CAMKMT: variants seen among roughly 807,000 people sequenced by gnomAD.
CAMKMT encodes calmodulin-lysine N-methyltransferase.
A neutral mutation model predicts 48.0 loss-of-function variants in CAMKMT; 53 were observed. The ratio of observed to expected loss-of-function variants is 1.10; its 90% CI spans 0.89 to 1.39. The LOEUF (loss-of-function observed/expected upper bound fraction) is 1.39, where lower values mean the gene tolerates loss of function less well. CAMKMT is among the 40% of genes most tolerant of loss of function. The pLI is 0.00. For missense variants in CAMKMT, 428 were observed against 402.7 expected (o/e 1.06, Z -0.54); for synonymous variants, 165 against 152.3 (o/e 1.08, Z -0.61).
Position 44,591,521 on chromosome 2 carries a change from G to A in CAMKMT, c.377-112762G>A, listed in dbSNP as rs528252450. 3.6e-3 allele frequency among the ~76,000 whole-genome samples: 541 copies of A among 151,924 alleles called. 1 individual carries two copies. The highest frequency in any genetic ancestry group is 0.011 in the African/African-American group (471 of 41,476). ...ATTTTATTCTCTTTGAAGCAATTGT[G>A]AATGGGAGTTCACTCATGATTTGGC... On this transcript the variant is annotated intron_variant, in intron 3 of 10. Coordinates refer to ENST00000378494, the MANE Select transcript of CAMKMT (RefSeq NM_024766.5).
intron 3 of CAMKMT, among the ~76,000 whole-genome samples, chr2:44,594,344 G>A (rs532193641): frequency 4.6e-5 from 7 of 152,010 alleles, no homozygotes; most frequent in East Asian, 1.9e-4. Context: ...AAAAGAGCCC[G>A]TATAGCCAAG....
At chr2:44,416,907 G>GGT (rs1683596349) in intron 3 of CAMKMT, among the ~76,000 whole-genome samples, 2 of 151,490 alleles carry the variant, frequency 1.3e-5, no homozygotes, top group African/African-American at 4.9e-5. Flanking sequence ...TCCATATTGT[G>GGT]GTGTGTATCT....
At chr2:44,529,526 A>T (rs2104822906) in intron 3 of CAMKMT, among the ~76,000 whole-genome samples, 1 of 152,290 alleles carries the variant, frequency 6.6e-6, no homozygotes, top group African/African-American at 2.4e-5. Flanking sequence ...CTAAGGAATG[A>T]ATACATGTTC....
At chr2:44,759,528 T>G (rs1230931942) in intron 9 of CAMKMT, among the ~76,000 whole-genome samples, 1 of 152,194 alleles carries the variant, frequency 6.6e-6, no homozygotes, top group Non-Finnish European at 1.5e-5. Context: ...GGAAATTGCC[T>G]TGTGTATGTG....
chr2:44,612,438 A>T (rs946248984), intron 3 of CAMKMT, among the ~76,000 whole-genome samples: 30 of 152,318 alleles, frequency 2.0e-4, no homozygotes, highest in African/African-American at 7.2e-4. Flanking sequence ...CAGCACTTTG[A>T]AAAGGCAAAA....
chr2:44,735,390 T>A (rs1275755655), intron 7 of CAMKMT, among the ~76,000 whole-genome samples: 5 of 152,188 alleles, frequency 3.3e-5, no homozygotes, highest in African/African-American at 1.2e-4. Context: ...CATTTTACTA[T>A]TTGTTTTGTG....
intron 5 of CAMKMT, among the ~76,000 whole-genome samples, chr2:44,706,782 C>T (rs572492100): frequency 6.6e-6 from 1 of 152,070 alleles, no homozygotes; most frequent in Admixed American, 6.6e-5. Context: ...ATTAGATTGG[C>T]CATTCAGGAA....
chr2:44,512,311 G>A (rs533024568), intron 3 of CAMKMT, among the ~76,000 whole-genome samples: 1 of 152,264 alleles, frequency 6.6e-6, no homozygotes, highest in South Asian at 2.1e-4. Flanking sequence ...TATAAACTGA[G>A]GCTAATAAAT....
chr2:44,397,790 G>A (rs1681994704), intron 3 of CAMKMT, among the ~76,000 whole-genome samples: 1 of 152,156 alleles, frequency 6.6e-6, no homozygotes, highest in Admixed American at 6.5e-5. Context: ...CCACAGAATT[G>A]GAATGATTCT....
intron 3 of CAMKMT, among the ~76,000 whole-genome samples, chr2:44,497,101 A>C (rs1017759638): frequency 2.0e-5 from 3 of 152,178 alleles, no homozygotes; most frequent in African/African-American, 7.2e-5. Context: ...TGACAAAATT[A>C]AAGGCAAATG....
chr2:44,465,928 G>C (rs1668087272), intron 3 of CAMKMT, among the ~76,000 whole-genome samples: 1 of 152,104 alleles, frequency 6.6e-6, no homozygotes, highest in Admixed American at 6.5e-5. Flanking sequence ...AAACTCACAA[G>C]AGACAAAGAA....
At chr2:44,764,435 C>CG (rs533084621) in intron 9 of CAMKMT, among the ~76,000 whole-genome samples, 2 of 151,970 alleles carry the variant, frequency 1.3e-5, no homozygotes, top group African/African-American at 4.8e-5. Context: ...CACAATTTGT[C>CG]GGGGGGAAAA....
At chr2:44,430,152 G>A (rs1338783163) in intron 3 of CAMKMT, among the ~76,000 whole-genome samples, 1 of 151,764 alleles carries the variant, frequency 6.6e-6, no homozygotes, top group Non-Finnish European at 1.5e-5. Flanking sequence ...TACTCTTGGT[G>A]GAAGCTAAAG....
At chr2:44,434,180 A>G (rs982593496) in intron 3 of CAMKMT, among the ~76,000 whole-genome samples, 1 of 152,144 alleles carries the variant, frequency 6.6e-6, no homozygotes. Context: ...TGCTGAATGA[A>G]AAGAAACCAA....
At chr2:44,520,638 C>G (rs917550959) in intron 3 of CAMKMT, among the ~76,000 whole-genome samples, 1 of 152,172 alleles carries the variant, frequency 6.6e-6, no homozygotes, top group Non-Finnish European at 1.5e-5. Flanking sequence ...AAGACTGACT[C>G]TATTAGTTAT....
At chr2:44,390,528 TG>T (rs1300555424) in intron 3 of CAMKMT, among the ~76,000 whole-genome samples, 4 of 78,952 alleles carry the variant, frequency 5.1e-5, no homozygotes, top group Admixed American at 4.5e-4. Flanking sequence ...TGTGTGTGTG[TG>T]GGGGGGAGGT....
At chr2:44,452,888 A>G (rs953045663) in intron 3 of CAMKMT, among the ~76,000 whole-genome samples, 1 of 152,014 alleles carries the variant, frequency 6.6e-6, no homozygotes, top group Non-Finnish European at 1.5e-5. Flanking sequence ...TGGGGTTGTG[A>G]TATCATGCTG....
At chr2:44,417,728 A>G (rs1207389818) in intron 3 of CAMKMT, among the ~76,000 whole-genome samples, 1 of 152,188 alleles carries the variant, frequency 6.6e-6, no homozygotes, top group African/African-American at 2.4e-5. Context: ...TGGTACTGTC[A>G]ATTATCTTTA....
rs79325413 is a variant in CAMKMT, at chr2:44,362,696, C to T, written c.138+551C>T. Reference sequence around the variant, plus strand: ...AGCTGATACCCTCTCTCACTGAGGTCTCAAAGTTAAATGATTATCTTGTAG... The same window carrying T: ...AGCTGATACCCTCTCTCACTGAGGTTTCAAAGTTAAATGATTATCTTGTAG... On this transcript the variant is annotated intron_variant, in intron 1 of 10. Transcript: ENST00000378494. Among the ~76,000 whole-genome samples the T allele has an allele frequency of 0.025, 3,822 of 152,246 alleles. 298 individuals carry two copies. In the East Asian group the frequency reaches 0.29, roughly 12 times the overall value.
Sources: allele counts gnomAD v4.1 joint callset (sites outside exome capture counted in the v4.1 genomes callset), GRCh38; gene constraint gnomAD v4.1.1; transcripts MANE v1.5; gene names NCBI Gene and HGNC (gene_info 2026-07-23, HGNC 2026-07-21).